The following CUL5 variants were observed in gnomAD, a reference collection of about 807,000 sequenced individuals.
CUL5 encodes the protein cullin 5, also known as cullin-5.
In CUL5, 26 loss-of-function variants were observed where a neutral mutation model predicts 108.8. That is an observed-to-expected ratio of 0.24 (90% CI 0.18 to 0.33). The LOEUF (loss-of-function observed/expected upper bound fraction) is 0.33. CUL5 is among the 10% of genes least tolerant of loss of function. The pLI, the probability that CUL5 is intolerant of heterozygous loss-of-function variation, is 1.00. For synonymous variants in CUL5, 334 were observed against 298.0 expected (o/e 1.12, Z -1.25); for missense variants, 524 against 909.2 (o/e 0.58, Z 5.45).
intron 15 of CUL5, 48 bp downstream of exon 15, chr11:108,095,035 G>A (rs771474790): frequency 6.8e-7 from 1 of 1,480,924 alleles, no homozygotes; most frequent in Non-Finnish European, 9.2e-7. Context: ...TTGGATGAAA[G>A]TAGCAGGACT....
chr11:108,029,180 T>C (rs2135075299), intron 1 of CUL5, among the ~76,000 whole-genome samples: 1 of 151,950 alleles, frequency 6.6e-6, no homozygotes, highest in Non-Finnish European at 1.5e-5. Flanking sequence ...AAGGGATTAG[T>C]TGTGCTGTAA....
At chr11:108,103,424 A>C (rs1427790291) in intron 18 of CUL5, among the ~76,000 whole-genome samples, 2 of 151,146 alleles carry the variant, frequency 1.3e-5, no homozygotes, top group Non-Finnish European at 2.9e-5. Flanking sequence ...GGAAAAAAAA[A>C]ACCTTAAAAA....
rs142411356 is a variant in CUL5 at position 108,025,509 on chromosome 11, T to C, written c.25-8293T>C. Among the ~76,000 whole-genome samples, 5 of 152,262 alleles carry C rather than the reference T, an allele frequency of 3.3e-5. No homozygotes were observed. In the East Asian group the frequency reaches 9.7e-4, roughly 29 times the overall value. On this transcript the variant is annotated intron_variant, in intron 1 of 18. Coordinates refer to ENST00000393094, the MANE Select transcript of CUL5 (RefSeq NM_003478.6). ...CGTTAGAGTGTGTCCAGAATATCAC[T>C]CGGGGTAGGGCTACTTTGGCTCCAC...
intron 8 of CUL5, 71 bp downstream of exon 8, chr11:108,070,260 G>C: frequency 9.2e-7 from 1 of 1,083,436 alleles, no homozygotes; most frequent in African/African-American, 1.6e-5. Context: ...CACTTACTAA[G>C]TTGCTCTTAG....
intron 4 of CUL5, among the ~76,000 whole-genome samples, chr11:108,052,097 C>T (rs1215213479): frequency 6.6e-6 from 1 of 151,962 alleles, no homozygotes; most frequent in East Asian, 1.9e-4. Context: ...TCCCAAGTAG[C>T]TGGGACTACA....
intron 18 of CUL5, among the ~76,000 whole-genome samples, chr11:108,099,494 A>T (rs796644452): frequency 9.8e-5 from 15 of 152,362 alleles, no homozygotes; most frequent in African/African-American, 3.6e-4. Flanking sequence ...AGTACTGTGT[A>T]GGAGCTGTAT....
intron 7 of CUL5, among the ~76,000 whole-genome samples, chr11:108,055,597 A>G (rs1470143993): frequency 6.6e-6 from 1 of 150,744 alleles, no homozygotes; most frequent in Non-Finnish European, 1.5e-5. Context: ...GGCACACGTC[A>G]CCCTGCCTGA....
intron 7 of CUL5, among the ~76,000 whole-genome samples, chr11:108,063,980 C>T (rs561596110): frequency 2.2e-4 from 33 of 152,186 alleles, no homozygotes; most frequent in Non-Finnish European, 4.6e-4. Context: ...TGCAAACAAG[C>T]GTAGTTTGAC....
intron 11 of CUL5, among the ~76,000 whole-genome samples, chr11:108,083,143 G>A (rs762751421): frequency 2.0e-5 from 3 of 152,138 alleles, no homozygotes; most frequent in Non-Finnish European, 4.4e-5. Context: ...GTAACAAATG[G>A]CAGGGGTGAA....
rs538770626 is a variant in CUL5 at position 108,072,868 on chromosome 11, A to G, written c.1005+406A>G. Among the ~76,000 whole-genome samples the G allele has an allele frequency of 2.8e-3, 421 of 152,216 alleles. 5 individuals carry two copies. The highest frequency in any genetic ancestry group is 9.7e-3 in the African/African-American group (404 of 41,538). On this transcript the variant is annotated intron_variant, in intron 9 of 18. Transcript: ENST00000393094. ...AAACATTAAATTTTTAAAAATACAG[A>G]ATTGAAAATTGAAAATAGTAATTGA... is the stretch of plus-strand genomic sequence containing the variant.
At chr11:108,032,652 T>G (rs1862623220) in intron 1 of CUL5, among the ~76,000 whole-genome samples, 1 of 152,204 alleles carries the variant, frequency 6.6e-6, no homozygotes, top group Admixed American at 6.5e-5. Flanking sequence ...TGCACTACTT[T>G]TACATTCCAG....
intron 11 of CUL5, among the ~76,000 whole-genome samples, chr11:108,081,508 T>G (rs1422475127): frequency 6.6e-6 from 1 of 151,732 alleles, no homozygotes; most frequent in Non-Finnish European, 1.5e-5. Context: ...ATCCCAGCAC[T>G]TAGGGAGGCC....
intron 14 of CUL5, 129 bp from the exon 15 acceptor site, chr11:108,094,683 C>T (rs1864445497): frequency 2.3e-6 from 2 of 871,916 alleles, no homozygotes; most frequent in Non-Finnish European, 3.4e-6. Context: ...ATCTTTATTT[C>T]AAAACAAAAG....
At chr11:108,031,324 C>T (rs1862576461) in intron 1 of CUL5, among the ~76,000 whole-genome samples, 1 of 150,326 alleles carries the variant, frequency 6.7e-6, no homozygotes. Flanking sequence ...AAGATTATGC[C>T]ACTGCACTCC....
chr11:108,095,455 A>T (rs1399665574), intron 15 of CUL5, 75 bp from the exon 16 acceptor site: 1 of 1,054,028 alleles, frequency 9.5e-7, no homozygotes, highest in African/African-American at 1.6e-5. Flanking sequence ...TTTTTCATAT[A>T]TAAATTCATG....
At chr11:108,095,474 A>G in intron 15 of CUL5, 56 bp from the exon 16 acceptor site, 1 of 1,194,030 alleles carries the variant, frequency 8.4e-7, no homozygotes, top group Non-Finnish European at 1.2e-6. Context: ...TGTCATAGAT[A>G]TTAAGAGAGA....
At chr11:108,039,298 G>A (rs1240734340) in intron 2 of CUL5, among the ~76,000 whole-genome samples, 1 of 152,150 alleles carries the variant, frequency 6.6e-6, no homozygotes, top group African/African-American at 2.4e-5. Context: ...GGGATTACAG[G>A]CATGAGCCAC....
intron 18 of CUL5, 64 bp downstream of exon 18, chr11:108,098,593 A>G: frequency 3.4e-6 from 4 of 1,163,704 alleles, no homozygotes; most frequent in Non-Finnish European, 4.6e-6. Flanking sequence ...TTTTTTTTTA[A>G]ATTTTGAAAT....
intron 16 of CUL5, among the ~76,000 whole-genome samples, chr11:108,096,368 TG>T (rs1328824718): frequency 1.3e-5 from 2 of 148,954 alleles, no homozygotes; most frequent in African/African-American, 4.9e-5. Flanking sequence ...GCTTGGTGGC[TG>T]TATCCCCAGC....
Sources: gnomAD v4.1 joint callset for allele counts (sites outside exome capture counted in the v4.1 genomes callset) on GRCh38, gnomAD v4.1.1 for gene constraint, MANE v1.5 for transcripts, NCBI Gene and HGNC (gene_info 2026-07-23, HGNC 2026-07-21) for gene names.